CCDC148: variants seen among roughly 807,000 people sequenced by gnomAD.
CCDC148 encodes the protein coiled-coil domain containing 148.
CCDC148 carries 89 observed loss-of-function variants against 85.7 expected under a neutral mutation model. That is an observed-to-expected ratio of 1.04 (90% CI 0.87 to 1.24). The LOEUF is 1.24. Among genes scored for constraint, CCDC148 ranks in the 50% most tolerant of loss-of-function variants. The pLI is 0.00. For missense variants in CCDC148, 692 were observed against 671.7 expected (o/e 1.03, Z -0.33); for synonymous variants, 230 against 213.9 (o/e 1.08, Z -0.66).
intron 11 of CCDC148, among the ~76,000 whole-genome samples, chr2:158,182,947 T>C (rs1417427698): frequency 6.6e-6 from 1 of 152,168 alleles, no homozygotes; most frequent in Non-Finnish European, 1.5e-5. Flanking sequence ...CCACTTGAGG[T>C]AGCAGATTTT....
At chr2:158,297,216 T>G (rs1214020022) in intron 9 of CCDC148, among the ~76,000 whole-genome samples, 2 of 152,204 alleles carry the variant, frequency 1.3e-5, no homozygotes, top group Non-Finnish European at 2.9e-5. Flanking sequence ...TTTTTTCTTG[T>G]CTAATCAACG....
At chr2:158,304,760 A>G (rs962246531) in intron 9 of CCDC148, among the ~76,000 whole-genome samples, 1 of 152,184 alleles carries the variant, frequency 6.6e-6, no homozygotes, top group Admixed American at 6.5e-5. Flanking sequence ...TCACAAGGCA[A>G]TAAATTAGCC....
At chr2:158,439,464 C>T (rs1034021118) in intron 1 of CCDC148, among the ~76,000 whole-genome samples, 24 of 151,850 alleles carry the variant, frequency 1.6e-4, no homozygotes, top group South Asian at 1.0e-3. Context: ...CGTCACACAC[C>T]GAGGCCTGTC....
At chr2:158,257,372 A>C (rs562760660) in intron 9 of CCDC148, among the ~76,000 whole-genome samples, 1 of 151,932 alleles carries the variant, frequency 6.6e-6, no homozygotes, top group Non-Finnish European at 1.5e-5. Context: ...TAAACTTTAA[A>C]TTTTCATTTT....
chr2:158,217,357 A>T (rs1326041672), intron 11 of CCDC148, among the ~76,000 whole-genome samples: 3 of 91,506 alleles, frequency 3.3e-5, no homozygotes, highest in South Asian at 4.7e-4. Flanking sequence ...TATATATATA[A>T]AATTTTGTGT....
chr2:158,354,663 G>C (rs1683525209), intron 2 of CCDC148, among the ~76,000 whole-genome samples: 1 of 151,900 alleles, frequency 6.6e-6, no homozygotes, highest in African/African-American at 2.4e-5. Flanking sequence ...GGAGGAACTG[G>C]TACCATTCCT....
rs998172580 is a variant in CCDC148, at chr2:158,402,590, T to C, written c.26-44020A>G. Among the ~76,000 whole-genome samples the C allele has an allele frequency of 1.7e-4, 26 of 152,198 alleles. 1 individual carries two copies. Among genetic ancestry groups the C allele is most frequent in the African/African-American group, 5.5e-4 (23 of 41,558 alleles). On this transcript the variant is annotated intron_variant, in intron 1 of 13. Coordinates refer to ENST00000283233, the MANE Select transcript of CCDC148 (RefSeq NM_138803.4). Reference sequence around the variant, plus strand: ...TCTAGCCTTCAGTTGGGGATTATAATGTGGTATACTTCCATAAGGGATTTA... The same window carrying C: ...TCTAGCCTTCAGTTGGGGATTATAACGTGGTATACTTCCATAAGGGATTTA...
At chr2:158,448,957 A>G (rs1302276349) in intron 1 of CCDC148, among the ~76,000 whole-genome samples, 1 of 151,972 alleles carries the variant, frequency 6.6e-6, no homozygotes, top group East Asian at 1.9e-4. Flanking sequence ...CCTCCTGAGT[A>G]GCTGGGATTG....
intron 7 of CCDC148, among the ~76,000 whole-genome samples, chr2:158,333,211 G>A (rs777003655): frequency 6.6e-6 from 1 of 152,118 alleles, no homozygotes; most frequent in Non-Finnish European, 1.5e-5. Flanking sequence ...AGATATTCTG[G>A]TAAATTGTGT....
intron 1 of CCDC148, chr2:158,425,136 T>C (rs368655558): frequency 2.0e-4 from 100 of 503,264 alleles, no homozygotes; most frequent in African/African-American, 1.8e-3. Context: ...CAATAGTGCC[T>C]ATGGTGGTGA....
intron 9 of CCDC148, among the ~76,000 whole-genome samples, chr2:158,284,233 A>C (rs1574545620): frequency 6.6e-6 from 1 of 152,052 alleles, no homozygotes; most frequent in African/African-American, 2.4e-5. Context: ...TACGTAACTA[A>C]CCTGCACATT....
chr2:158,338,151 G>A (rs1682484344), intron 7 of CCDC148, among the ~76,000 whole-genome samples: 1 of 152,044 alleles, frequency 6.6e-6, no homozygotes, highest in Non-Finnish European at 1.5e-5. Flanking sequence ...TTTTAACATA[G>A]AAGACACTAG....
At chr2:158,322,769 C>T (rs1311068425) in intron 7 of CCDC148, among the ~76,000 whole-genome samples, 5 of 151,994 alleles carry the variant, frequency 3.3e-5, no homozygotes, top group Admixed American at 6.6e-5. Context: ...AATGTACATA[C>T]AGAGGAGAAA....
rs371668854 is a variant in CCDC148, at chr2:158,363,391, T to C, written c.26-4821A>G. On this transcript the variant is annotated intron_variant, in intron 1 of 13. Coordinates refer to ENST00000283233, the MANE Select transcript of CCDC148 (RefSeq NM_138803.4). ...GAAAATTTCAGGCCAATATCCCTGA[T>C]GAAAATCAGTGTGAAAATCCTCAAC... 1.8e-4 allele frequency among the ~76,000 whole-genome samples: 27 copies of C among 152,202 alleles called. No homozygotes were observed. The East Asian group carries it at 5.0e-3, about 28-fold the overall frequency.
intron 2 of CCDC148, among the ~76,000 whole-genome samples, chr2:158,350,875 T>C (rs1422929872): frequency 6.6e-6 from 1 of 152,174 alleles, no homozygotes; most frequent in African/African-American, 2.4e-5. Context: ...CGTGTGCATT[T>C]ATCATTTCTT....
chr2:158,298,022 A>G (rs1408510580), intron 9 of CCDC148, among the ~76,000 whole-genome samples: 1 of 152,212 alleles, frequency 6.6e-6, no homozygotes, highest in Non-Finnish European at 1.5e-5. Flanking sequence ...GTCCTCAGGA[A>G]ATTTACAGTC....
chr2:158,249,790 T>C (rs6728855), intron 10 of CCDC148, among the ~76,000 whole-genome samples: 7,209 of 152,202 alleles, frequency 0.047, 588 homozygotes, highest in African/African-American at 0.16. Flanking sequence ...TTCTTTGACT[T>C]AGTTGGTCAC....
chr2:158,306,634 C>A (rs1691700495), intron 9 of CCDC148, among the ~76,000 whole-genome samples: 2 of 150,872 alleles, frequency 1.3e-5, no homozygotes, highest in Admixed American at 1.3e-4. Context: ...ACAACGAGAA[C>A]ACTTGGACAC....
rs1439711593 is a variant in CCDC148, at chr2:158,358,500, CA to C, written c.95del (p.Leu32CysfsTer4). On this transcript the variant is annotated frameshift_variant, in exon 2 of 14. Transcript: ENST00000283233. LOFTEE classifies it high-confidence loss of function. ...IKYKPVDYQQ[L>X]RALTEAKKLA... ...ATTTCTTTGCTTCAGTTAATGCACG[CA>C]ATTGTTGATAGTCTACTGGTTTGTA... is the stretch of plus-strand genomic sequence containing the variant. The C allele has an allele frequency of 6.2e-7, 1 of 1,608,500 alleles. No individual in the cohort carries two copies. The highest frequency in any genetic ancestry group is 8.5e-7 in the Non-Finnish European group (1 of 1,178,282).
Sources: gnomAD v4.1 joint callset for allele counts (sites outside exome capture counted in the v4.1 genomes callset) on GRCh38, gnomAD v4.1.1 for gene constraint, MANE v1.5 for transcripts, NCBI Gene and HGNC (gene_info 2026-07-23, HGNC 2026-07-21) for gene names.